Variants in CHST12 observed in about 807,000 individuals in gnomAD.
CHST12 encodes carbohydrate sulfotransferase 12, also known as carbohydrate (chondroitin 4) sulfotransferase 12.
A neutral mutation model predicts 27.9 loss-of-function variants in CHST12; 23 were observed. That is an observed-to-expected ratio of 0.82 (90% confidence interval 0.59 to 1.17). The LOEUF is 1.17. Among genes scored for constraint, CHST12 ranks in the 50% most tolerant of loss-of-function variants. CHST12 has a pLI of 0.00. For missense variants in CHST12, 682 were observed against 603.0 expected (o/e 1.13, Z -1.37); for synonymous variants, 322 against 273.0 (o/e 1.18, Z -1.77).
rs1453446151 is a variant in CHST12, at chr7:2,444,098, A to C, written c.*10214A>C. 2 of 149,890 alleles carry C rather than the reference A, an allele frequency of 1.3e-5. No individual in the cohort carries two copies. Among genetic ancestry groups the C allele is most frequent in the Non-Finnish European group, 3.0e-5 (2 of 67,382 alleles). 9.3% of individuals were successfully genotyped at this position (149,890 alleles called of 1,614,324 possible). ...AGGAGATCGAGACCATCCCGGCTAA[A>C]ACGGTGAAACCCCGTCTCTACTAAA... On this transcript the variant is annotated 3_prime_UTR_variant, in exon 2 of 2. Coordinates refer to ENST00000618655, the MANE Select transcript of CHST12 (RefSeq NM_018641.5).
intron 1 of CHST12, among the ~76,000 whole-genome samples, chr7:2,413,412 A>C (rs1583210357): frequency 2.0e-5 from 3 of 152,262 alleles, no homozygotes; most frequent in African/African-American, 7.2e-5. Context: ...TTTACATGCA[A>C]TAAAACGTAC....
At chr7:2,429,975 G>A (rs1218176347) in intron 1 of CHST12, among the ~76,000 whole-genome samples, 1 of 151,950 alleles carries the variant, frequency 6.6e-6, no homozygotes, top group Non-Finnish European at 1.5e-5. Context: ...TAGGGATGGG[G>A]TTTTGCCATG....
In CHST12 at chr7:2,442,834, C is replaced by G. The variant is rs917353731; in HGVS notation, c.*8950C>G. On this transcript the variant is annotated 3_prime_UTR_variant, in exon 2 of 2. Coordinates refer to ENST00000618655, the MANE Select transcript of CHST12 (RefSeq NM_018641.5). ...GTCAGATCAGCGGCGGCATTAGATTCTCATAGGAGCGGGAACCCTCCTGTG... is the reference window on the plus strand; with the variant it reads ...GTCAGATCAGCGGCGGCATTAGATTGTCATAGGAGCGGGAACCCTCCTGTG... 1.3e-5 allele frequency: 2 copies of G among 152,470 alleles called. No individual in the cohort carries two copies. The highest frequency in any genetic ancestry group is 4.8e-5 in the African/African-American group (2 of 41,466). The allele number at this position is 152,470 out of a possible 1,614,324, so 9.4% of individuals were successfully genotyped here. A position where few individuals can be genotyped will look rare whatever the true frequency, so the allele number is the denominator to read the frequency against.
At chr7:2,404,417 A>T (rs1210663445) in intron 1 of CHST12, among the ~76,000 whole-genome samples, 1 of 151,946 alleles carries the variant, frequency 6.6e-6, no homozygotes, top group East Asian at 1.9e-4. Flanking sequence ...TTCCAGCATT[A>T]TTAAATTATT....
intron 1 of CHST12, among the ~76,000 whole-genome samples, chr7:2,417,620 C>T (rs1201268405): frequency 6.6e-6 from 1 of 152,096 alleles, no homozygotes; most frequent in Admixed American, 6.6e-5. Context: ...GAACTCCTGA[C>T]CTCAACTGAT....
At chr7:2,431,307 CCTG>C (rs1400798803) in intron 1 of CHST12, among the ~76,000 whole-genome samples, 3 of 152,204 alleles carry the variant, frequency 2.0e-5, no homozygotes, top group Non-Finnish European at 4.4e-5. Flanking sequence ...GATAGCCACT[CCTG>C]CTTTCTTTTC....
intron 1 of CHST12, among the ~76,000 whole-genome samples, chr7:2,430,560 C>A (rs995236952): frequency 6.6e-5 from 10 of 152,188 alleles, no homozygotes; most frequent in African/African-American, 2.4e-4. Flanking sequence ...TCAGGTGATC[C>A]ACCTGCCTTG....
intron 1 of CHST12, among the ~76,000 whole-genome samples, chr7:2,415,365 C>CA (rs35199658): frequency 0.25 from 32,623 of 131,834 alleles, 4,007 homozygotes; most frequent in African/African-American, 0.38. Context: ...AACTCTGCCT[C>CA]AAAAAAAAAA....
At chr7:2,415,519 T>G (rs1781779413) in intron 1 of CHST12, among the ~76,000 whole-genome samples, 1 of 152,220 alleles carries the variant, frequency 6.6e-6, no homozygotes, top group South Asian at 2.1e-4. Context: ...GCAATCTTTT[T>G]GCTGGTGGAG....
At chr7:2,412,743 G>T (rs574151332) in intron 1 of CHST12, among the ~76,000 whole-genome samples, 16 of 152,284 alleles carry the variant, frequency 1.1e-4, no homozygotes, top group Admixed American at 9.8e-4. Context: ...TGCTAGCTAT[G>T]TAGACTTGTG....
At chr7:2,408,399 C>T (rs893986970) in intron 1 of CHST12, among the ~76,000 whole-genome samples, 5 of 147,644 alleles carry the variant, frequency 3.4e-5, no homozygotes, top group African/African-American at 7.5e-5. Flanking sequence ...AAGATCCTTG[C>T]GTACCCTCTC....
intron 1 of CHST12, among the ~76,000 whole-genome samples, chr7:2,416,646 TAAGA>T (rs2115402567): frequency 1.3e-5 from 2 of 152,348 alleles, no homozygotes; most frequent in South Asian, 4.1e-4. Context: ...TTGCCAAGGT[TAAGA>T]AAGAAACACA....
rs760772352 is a variant in CHST12, at chr7:2,433,612, G to A, written c.973G>A (p.Val325Met). The A allele has an allele frequency of 3.1e-6, 5 of 1,613,232 alleles. No individual in the cohort carries two copies. Among genetic ancestry groups the A allele is most frequent in the Middle Eastern group, 1.6e-4 (1 of 6,084 alleles). Reference protein sequence around the residue: ...LAPFNEHWRQVYRLCHPCQID... With the variant: ...LAPFNEHWRQMYRLCHPCQID... ...GCCCTTCAACGAGCACTGGCGGCAG[G>A]TGTACCGCCTCTGCCACCCGTGCCA... Residue 325 changes from valine (V) to methionine (M), a missense_variant, in exon 2 of 2, where the codon GTG (valine) becomes ATG (methionine). Val to Met is a conservative substitution (Grantham distance 21). Transcript: ENST00000618655. The surrounding 1 kb of genome is among the most constrained non-coding windows in gnomAD (Gnocchi z 6.1).
chr7:2,432,821 C>T lies in CHST12; in HGVS notation c.182C>T (p.Thr61Met), dbSNP rs1175565150. 6.2e-7 allele frequency: 1 copy of T among 1,613,840 alleles called. No individual in the cohort carries two copies. The highest frequency in any genetic ancestry group is 1.7e-5 in the Admixed American group (1 of 60,018). Residue 61 changes from threonine (T) to methionine (M), a missense_variant, in exon 2 of 2, where the codon ACG (threonine) becomes ATG (methionine). Transcript: ENST00000618655. ...TPGPDRDREL[T>M]ADSDVDEFLD... is the part of the protein sequence containing the mutation. The stretch of plus-strand genomic sequence containing the variant: ...GGGCCGGACAGGGACAGGGAGCTCA[C>T]GGCCGACTCCGATGTCGACGAGTTT...
rs1562520635 is a variant in CHST12 at position 2,433,211 on chromosome 7, A to C, written c.572A>C (p.His191Pro). The C allele has an allele frequency of 6.2e-7, 1 of 1,612,688 alleles. No homozygotes were observed. The highest frequency in any genetic ancestry group is 8.5e-7 in the Non-Finnish European group (1 of 1,179,560). Reference protein sequence around the residue: ...VMIVLSGSLLHRGAPYRDPLR... With the variant: ...VMIVLSGSLLPRGAPYRDPLR... ...ATCGTGCTGAGCGGAAGCCTGCTGCACCGCGGTGCGCCCTACCGCGACCCG... is the reference window on the plus strand; with the variant it reads ...ATCGTGCTGAGCGGAAGCCTGCTGCCCCGCGGTGCGCCCTACCGCGACCCG... The change falls in exon 2 of 2, where the codon CAC becomes CCC. Residue 191 changes from histidine (H) to proline (P), a missense_variant. Coordinates refer to ENST00000618655, the MANE Select transcript of CHST12 (RefSeq NM_018641.5). This position sits in a 1 kb window ranked among gnomAD's most constrained non-coding sequence, Gnocchi z 6.1.
rs919220287 is a variant in CHST12, at chr7:2,447,851, G to C, written c.*13967G>C. On this transcript the variant is annotated 3_prime_UTR_variant, in exon 2 of 2. Coordinates refer to ENST00000618655, the MANE Select transcript of CHST12 (RefSeq NM_018641.5). ...AGAAATAAAGAATGGCTATTCCATA[G>C]GGAGAGCAGCCTGAATAAACACTTT... 6.6e-6 allele frequency: 1 copy of C among 151,570 alleles called. No individual in the cohort carries two copies. Among genetic ancestry groups the C allele is most frequent in the Non-Finnish European group, 1.5e-5 (1 of 67,928 alleles). 9.4% of individuals were successfully genotyped at this position (151,570 alleles called of 1,614,324 possible). A position where few individuals can be genotyped will look rare whatever the true frequency, so the allele number is the denominator to read the frequency against.
intron 1 of CHST12, among the ~76,000 whole-genome samples, chr7:2,407,111 A>G (rs1217482447): frequency 6.6e-6 from 1 of 152,208 alleles, no homozygotes; most frequent in Non-Finnish European, 1.5e-5. Context: ...ACTCCCTCAG[A>G]AAGTAGAACA....
intron 1 of CHST12, among the ~76,000 whole-genome samples, chr7:2,407,037 TAAAAA>T (rs752422764): frequency 7.0e-6 from 1 of 143,070 alleles, no homozygotes; most frequent in Non-Finnish European, 1.5e-5. Context: ...CTCTCGGATG[TAAAAA>T]AAAAAAATAA....
rs1040102961 is a variant in CHST12, at chr7:2,444,833, C to G, written c.*10949C>G. ...GCAAGGAAGTTCTGTGAGCCTCATT[C>G]AATCATCTGAGGTTCTTCCCAGGAA... On this transcript the variant is annotated 3_prime_UTR_variant, in exon 2 of 2. Coordinates refer to ENST00000618655, the MANE Select transcript of CHST12 (RefSeq NM_018641.5). 2 of 152,200 alleles carry G rather than the reference C, an allele frequency of 1.3e-5. No individual in the cohort carries two copies. Among genetic ancestry groups the G allele is most frequent in the Non-Finnish European group, 2.9e-5 (2 of 68,056 alleles). 9.4% of individuals were successfully genotyped at this position (152,200 alleles called of 1,614,324 possible). A position where few individuals can be genotyped will look rare whatever the true frequency, so the allele number is the denominator to read the frequency against.
Sources: allele counts gnomAD v4.1 joint callset (sites outside exome capture counted in the v4.1 genomes callset), GRCh38; gene constraint gnomAD v4.1.1; non-coding constraint Gnocchi (gnomAD v3.1); transcripts MANE v1.5; gene names NCBI Gene and HGNC (gene_info 2026-07-23, HGNC 2026-07-21).